The following CRHR2 variants were observed in gnomAD, a reference collection of about 807,000 sequenced individuals.
CRHR2 encodes the protein corticotropin releasing hormone receptor 2, also known as corticotropin-releasing hormone receptor 2.
Under a neutral mutation model 57.9 loss-of-function variants are expected in CRHR2, and 53 were observed. That is an observed-to-expected ratio of 0.92 (90% CI 0.73 to 1.15). The LOEUF is 1.15. Ranked by LOEUF, CRHR2 falls within the 50% of genes most tolerant of loss-of-function variation. CRHR2 has a pLI of 0.00. For missense variants in CRHR2, 532 were observed against 542.6 expected, an observed-to-expected ratio of 0.98 and a Z score of 0.19; for synonymous variants, 213 against 220.9, an observed-to-expected ratio of 0.96 and a Z score of 0.32.
chr7:30,693,870 A>G (rs1785007274), intron 1 of CRHR2, among the ~76,000 whole-genome samples: 1 of 152,224 alleles, frequency 6.6e-6, no homozygotes, highest in Non-Finnish European at 1.5e-5. Flanking sequence ...GAGGTGTGTA[A>G]GAGTGTAGAG....
Position 30,682,270 on chromosome 7 carries a change from G to GCCGCGTCCATCGCGTC in CRHR2, c.-6_10dup (p.Ala4GlyfsTer22), listed in dbSNP as rs1431343449. On this transcript the variant is annotated frameshift_variant, in exon 1 of 12. Coordinates refer to ENST00000471646, the MANE Select transcript of CRHR2 (RefSeq NM_001883.5). LOFTEE classifies it high-confidence loss of function. ...GGCCTCCAGCAGGCTGTGGAGCAGT[G>GCCGCGTCCATCGCGTC]CCGCGTCCATCGCGTCCCGCAGCCG... 2.5e-6 allele frequency: 4 copies of GCCGCGTCCATCGCGTC among 1,575,678 alleles called. No individual in the cohort carries two copies. In the South Asian group the frequency reaches 3.5e-5, roughly 14 times the overall value.
chr7:30,687,957 C>T (rs1784886957), intron 2 of CRHR2, among the ~76,000 whole-genome samples: 1 of 152,216 alleles, frequency 6.6e-6, no homozygotes, highest in South Asian at 2.1e-4. Flanking sequence ...GACTTAGATC[C>T]ATTGCTAAAC....
Position 30,656,057 on chromosome 7 carries a change from C to T in CRHR2, c.832-45G>A, listed in dbSNP as rs759327103. 1.3e-5 allele frequency: 21 copies of T among 1,586,494 alleles called. No individual in the cohort carries two copies. Among genetic ancestry groups the T allele is most frequent in the South Asian group, 3.3e-5 (3 of 90,408 alleles). On this transcript the variant is annotated intron_variant, in intron 8 of 11. Transcript: ENST00000471646. This position sits in a 1 kb window ranked among gnomAD's most constrained non-coding sequence, Gnocchi z 4.4. ...GGGAAAGAGGGAAAAGGAAGGAGCACGTGTTTGAGATGAGCCGAGAGGCAG... is the reference window on the plus strand; with the variant it reads ...GGGAAAGAGGGAAAAGGAAGGAGCATGTGTTTGAGATGAGCCGAGAGGCAG...
Position 30,673,310 on chromosome 7 carries a change from A to C in CRHR2, c.230-5997T>G, listed in dbSNP as rs367908374. Among the ~76,000 whole-genome samples, 13 of 152,144 alleles carry C rather than the reference A, an allele frequency of 8.5e-5. No homozygotes were observed. The South Asian group carries it at 2.7e-3, about 32-fold the overall frequency. On this transcript the variant is annotated intron_variant, in intron 2 of 11. Coordinates refer to ENST00000471646, the MANE Select transcript of CRHR2 (RefSeq NM_001883.5). ...CTGCAGCCTTGAACTCCTATACTCA[A>C]GTGATCCTCCTGCCTCAGCCTCCTG...
chr7:30,695,580 C>T (rs1327431289), intron 1 of CRHR2, among the ~76,000 whole-genome samples: 2 of 152,198 alleles, frequency 1.3e-5, no homozygotes, highest in East Asian at 1.9e-4. Context: ...CTTGGCCCAA[C>T]ATAGGGGCAG....
rs1784752883 is a variant in CRHR2 at position 30,682,412 on chromosome 7, G to C, written c.-132C>G. 7.3e-7 allele frequency: 1 copy of C among 1,362,884 alleles called. No homozygotes were observed. The highest frequency in any genetic ancestry group is 1.5e-5 in the African/African-American group (1 of 65,196). The allele number at this position is 1,362,884 out of a possible 1,614,324, so 84.4% of individuals were successfully genotyped here. A position where few individuals can be genotyped will look rare whatever the true frequency, so the allele number is the denominator to read the frequency against. On this transcript the variant is annotated 5_prime_UTR_variant, in exon 1 of 12. Coordinates refer to ENST00000471646, the MANE Select transcript of CRHR2 (RefSeq NM_001883.5). Reference sequence around the variant, plus strand: ...CCCGCCAGCCCAGCCCCGATCTCCCGGGCAGCCTTTGGGCGCCACCTCCGG... The same window carrying C: ...CCCGCCAGCCCAGCCCCGATCTCCCCGGCAGCCTTTGGGCGCCACCTCCGG...
At chr7:30,654,910 G>T (rs1026000334) in intron 11 of CRHR2, 129 bp downstream of exon 11, 4 of 1,552,334 alleles carry the variant, frequency 2.6e-6, no homozygotes, top group Admixed American at 2.0e-5. Flanking sequence ...TTCCCCTAAG[G>T]CCGGGTGGTA....
In CRHR2 at chr7:30,660,634, C is replaced by T. The variant is rs1783963997; in HGVS notation, c.770G>A (p.Gly257Asp). ...GTCCACCAGGTCGCCAGGCTCCTTG[C>T]CAAACCAGCACCTGTGAAGATGGGG... ...LYYENEQCWF[G>D]KEPGDLVDYI... The change falls in exon 8 of 12, where the codon GGC (glycine) becomes GAC (aspartate). Residue 257 changes from glycine (G) to aspartate (D), a missense_variant. Coordinates refer to ENST00000471646, the MANE Select transcript of CRHR2 (RefSeq NM_001883.5). 6.4e-7 allele frequency: 1 copy of T among 1,569,030 alleles called. No individual in the cohort carries two copies. The highest frequency in any genetic ancestry group is 1.2e-5 in the South Asian group (1 of 85,222).
chr7:30,659,164 TG>T (rs1235629131), intron 8 of CRHR2, among the ~76,000 whole-genome samples: 2 of 152,240 alleles, frequency 1.3e-5, no homozygotes, highest in East Asian at 3.8e-4. Context: ...AAGCCCCTGT[TG>T]GTGCAAAGAG....
chr7:30,678,620 A>C (rs1243337911), intron 2 of CRHR2, among the ~76,000 whole-genome samples: 1 of 149,634 alleles, frequency 6.7e-6, no homozygotes, highest in African/African-American at 2.5e-5. Context: ...AGGACTTCTA[A>C]ACGCCTTATC....
chr7:30,667,787 A>G (rs1045260209), intron 2 of CRHR2, among the ~76,000 whole-genome samples: 1 of 152,248 alleles, frequency 6.6e-6, no homozygotes, highest in South Asian at 2.1e-4. Context: ...TGCTATGGAT[A>G]TACATGTCAA....
intron 2 of CRHR2, among the ~76,000 whole-genome samples, chr7:30,674,736 C>T (rs1784463678): frequency 6.6e-6 from 1 of 152,050 alleles, no homozygotes; most frequent in African/African-American, 2.4e-5. Context: ...CAGGACATCC[C>T]CAGAAGCCAC....
At chr7:30,672,599 C>T (rs1298739138) in intron 2 of CRHR2, among the ~76,000 whole-genome samples, 7 of 152,218 alleles carry the variant, frequency 4.6e-5, no homozygotes, top group Non-Finnish European at 8.8e-5. Context: ...AACAGTCACA[C>T]ATACATGCAG....
intron 2 of CRHR2, among the ~76,000 whole-genome samples, chr7:30,675,619 C>T (rs1784493895): frequency 6.6e-6 from 1 of 152,216 alleles, no homozygotes; most frequent in Non-Finnish European, 1.5e-5. Context: ...TCCCACCCTC[C>T]CTTCCATCTG....
chr7:30,653,469 G>A lies in CRHR2; in HGVS notation c.1227C>T (p.Ala409=), dbSNP rs752866618. The A allele has an allele frequency of 1.6e-5, 26 of 1,613,314 alleles. No homozygotes were observed. Among genetic ancestry groups the A allele is most frequent in the South Asian group, 8.8e-5 (8 of 91,058 alleles). Residue 409 remains alanine, a synonymous_variant, in exon 12 of 12, where the codon GCC becomes GCT. Coordinates refer to ENST00000471646, the MANE Select transcript of CRHR2 (RefSeq NM_001883.5). The surrounding 1 kb of genome is among the most constrained non-coding windows in gnomAD (Gnocchi z 5.0). ...GTGGGCGACCGAGGGGTCACACAGCGGCCGTCTGCTTGATGCTGTGGAAGC... is the reference window on the plus strand; with the variant it reads ...GTGGGCGACCGAGGGGTCACACAGCAGCCGTCTGCTTGATGCTGTGGAAGC... The part of the protein sequence containing the change: ...RISFHSIKQT[A]AV
chr7:30,663,121 C>T (rs576407088), intron 5 of CRHR2, among the ~76,000 whole-genome samples: 37 of 152,210 alleles, frequency 2.4e-4, no homozygotes, highest in African/African-American at 8.2e-4. Context: ...GTAAAGAGAG[C>T]AAGAGTCTGG....
At chr7:30,688,372 A>T (rs1425128714) in intron 2 of CRHR2, among the ~76,000 whole-genome samples, 1 of 152,144 alleles carries the variant, frequency 6.6e-6, no homozygotes, top group Admixed American at 6.5e-5. Context: ...ACACTAATAC[A>T]GATGGGTTAG....
chr7:30,665,556 G>A lies in CRHR2; in HGVS notation c.399C>T (p.Ala133=), dbSNP rs774939456. The A allele has an allele frequency of 4.6e-5, 72 of 1,562,144 alleles. 1 individual carries two copies. In the East Asian group the frequency reaches 9.6e-4, roughly 21 times the overall value. ...GCAGGGCCAGGAAAAGCAGGAAGGCGGCCACCAGGGCTGCCACAGATACGC... is the reference window on the plus strand; with the variant it reads ...GCAGGGCCAGGAAAAGCAGGAAGGCAGCCACCAGGGCTGCCACAGATACGC... ...GHCVSVAALV[A]AFLLFLALRS... Residue 133 remains alanine, a synonymous_variant, in exon 4 of 12, where the codon GCC becomes GCT. Transcript: ENST00000471646. This position sits in a 1 kb window ranked among gnomAD's most constrained non-coding sequence, Gnocchi z 4.5.
chr7:30,656,938 T>A lies in CRHR2; in HGVS notation c.832-926A>T, dbSNP rs1461197308. ...GGGCACATCTGCGTTTCTCTTCACC[T>A]GCCTCCGAGCATAGGCAGGCAGGCA... On this transcript the variant is annotated intron_variant, in intron 8 of 11. Coordinates refer to ENST00000471646, the MANE Select transcript of CRHR2 (RefSeq NM_001883.5). The surrounding 1 kb of genome is among the most constrained non-coding windows in gnomAD (Gnocchi z 4.4). 6.6e-6 allele frequency among the ~76,000 whole-genome samples: 1 copy of A among 152,158 alleles called. No homozygotes were observed. The highest frequency in any genetic ancestry group is 1.5e-5 in the Non-Finnish European group (1 of 68,014).
Sources: allele counts gnomAD v4.1 joint callset (sites outside exome capture counted in the v4.1 genomes callset), GRCh38; gene constraint gnomAD v4.1.1; non-coding constraint Gnocchi (gnomAD v3.1); transcripts MANE v1.5; gene names NCBI Gene and HGNC (gene_info 2026-07-23, HGNC 2026-07-21).